The following CREB1 variants were observed in gnomAD, a reference collection of about 807,000 sequenced individuals.
The protein encoded by CREB1 is cyclic AMP-responsive element-binding protein 1.
A neutral mutation model predicts 42.0 loss-of-function variants in CREB1; 2 were observed. The observed-to-expected ratio is 0.05, with a 90% CI of 0.02 to 0.15. The LOEUF is 0.15. Ranked by LOEUF, CREB1 falls within the 10% of genes least tolerant of loss-of-function variation. The pLI, the probability that CREB1 is intolerant of heterozygous loss-of-function variation, is 1.00. For synonymous variants in CREB1, 123 were observed against 139.9 expected (o/e 0.88, Z 0.85); for missense variants, 199 against 388.9 (o/e 0.51, Z 4.11).
intron 7 of CREB1, 64 bp from the exon 8 acceptor site, chr2:207,596,848 AAG>A (rs2086274808): frequency 6.4e-7 from 1 of 1,562,004 alleles, no homozygotes; most frequent in Admixed American, 2.2e-5. Context: ...AGAAAAAAAA[AAG>A]GTAATCCAAA....
Position 207,579,720 on chromosome 2 carries a change from C to T in CREB1, c.839+2065C>T, listed in dbSNP as rs185728599. On this transcript the variant is annotated intron_variant, in intron 7 of 7. Coordinates refer to ENST00000353267, the MANE Select transcript of CREB1 (RefSeq NM_004379.5). ...TGATTCTGCCATAGTTCCTTTTCCC[C>T]TTTGTTACCAGATTACTGCTGCTTT... Among the ~76,000 whole-genome samples the T allele has an allele frequency of 3.5e-3, 535 of 152,320 alleles. 3 individuals are homozygous for T. Among genetic ancestry groups the T allele is most frequent in the Non-Finnish European group, 4.2e-3 (287 of 68,026 alleles).
intron 2 of CREB1, among the ~76,000 whole-genome samples, chr2:207,556,749 G>C (rs997783862): frequency 4.6e-5 from 7 of 152,182 alleles, no homozygotes; most frequent in African/African-American, 1.7e-4. Context: ...CAGGCTGCAG[G>C]ATTGAAGGGG....
chr2:207,541,058 A>G (rs1170909344), intron 1 of CREB1, among the ~76,000 whole-genome samples: 1 of 152,172 alleles, frequency 6.6e-6, no homozygotes, highest in East Asian at 1.9e-4. Flanking sequence ...TGTTCCTACT[A>G]AAAGTGCAAA....
chr2:207,553,831 C>G lies in CREB1; in HGVS notation c.-8-1797C>G, dbSNP rs1009632274. 2.0e-5 allele frequency among the ~76,000 whole-genome samples: 3 copies of G among 152,268 alleles called. No individual in the cohort carries two copies. The East Asian group carries it at 5.8e-4, about 29-fold the overall frequency. ...TGTACAGTTCTACAAAATTCTGTTT[C>G]TCTGTTCAGAGCTACTGCTTATAGT... On this transcript the variant is annotated intron_variant, in intron 1 of 7. Coordinates refer to ENST00000353267, the MANE Select transcript of CREB1 (RefSeq NM_004379.5).
Position 207,603,457 on chromosome 2 carries a change from A to C in CREB1, c.*6399A>C. 4.5e-6 allele frequency: 1 copy of C among 223,980 alleles called. No individual in the cohort carries two copies. The allele number at this position is 223,980 out of a possible 1,614,324, so 13.9% of individuals were successfully genotyped here. On this transcript the variant is annotated 3_prime_UTR_variant, in exon 8 of 8. Coordinates refer to ENST00000353267, the MANE Select transcript of CREB1 (RefSeq NM_004379.5). ...TGTAAGTCTCTTTTTTGGGGATGGG[A>C]TCTCTATATTTTGTTGGGTTTTTTT...
chr2:207,542,589 AATTTTC>A (rs1321150208), intron 1 of CREB1, among the ~76,000 whole-genome samples: 2 of 152,022 alleles, frequency 1.3e-5, no homozygotes, highest in African/African-American at 2.4e-5. Context: ...GATTTACAAA[AATTTTC>A]TCCTGTGGGT....
chr2:207,572,894 A>G (rs1474981751), intron 5 of CREB1, among the ~76,000 whole-genome samples: 1 of 151,626 alleles, frequency 6.6e-6, no homozygotes. Flanking sequence ...ATGAATTTCC[A>G]CTCCTTCCTT....
At chr2:207,571,258 C>G (rs1409033566) in intron 5 of CREB1, among the ~76,000 whole-genome samples, 5 of 151,788 alleles carry the variant, frequency 3.3e-5, no homozygotes, top group Non-Finnish European at 5.9e-5. Context: ...GCCTGTATTC[C>G]CAGCACTTTG....
At chr2:207,544,781 C>T (rs984146907) in intron 1 of CREB1, among the ~76,000 whole-genome samples, 2 of 152,064 alleles carry the variant, frequency 1.3e-5, no homozygotes, top group African/African-American at 2.4e-5. Flanking sequence ...TCCATGTGTT[C>T]TCATCATGTA....
chr2:207,565,160 C>G lies in CREB1; in HGVS notation c.262-2303C>G, dbSNP rs534180441. The stretch of plus-strand genomic sequence containing the variant: ...TTCCCCTGTTCTTAACATCCTCCCC[C>G]AGAACGGTACATTTATGTTATAATT... On this transcript the variant is annotated intron_variant, in intron 3 of 7. Coordinates refer to ENST00000353267, the MANE Select transcript of CREB1 (RefSeq NM_004379.5). Among the ~76,000 whole-genome samples, 7 of 152,146 alleles carry G rather than the reference C, an allele frequency of 4.6e-5. No individual in the cohort carries two copies. In the East Asian group the frequency reaches 1.2e-3, roughly 25 times the overall value.
intron 1 of CREB1, among the ~76,000 whole-genome samples, chr2:207,545,623 C>T (rs1485878393): frequency 2.0e-5 from 3 of 151,824 alleles, no homozygotes; most frequent in South Asian, 4.2e-4. Context: ...ACGTAGTAGG[C>T]GCAGAATATT....
At chr2:207,538,981 C>T (rs557715007) in intron 1 of CREB1, among the ~76,000 whole-genome samples, 2 of 151,470 alleles carry the variant, frequency 1.3e-5, no homozygotes, top group African/African-American at 4.8e-5. Flanking sequence ...GTAGGGGACA[C>T]AGAAATACCT....
intron 1 of CREB1, among the ~76,000 whole-genome samples, chr2:207,536,771 C>G (rs896420105): frequency 6.6e-6 from 1 of 151,810 alleles, no homozygotes; most frequent in African/African-American, 2.4e-5. Context: ...GGGCGGATCA[C>G]TTGAGGCCAG....
intron 3 of CREB1, among the ~76,000 whole-genome samples, chr2:207,562,826 T>A (rs1363411197): frequency 6.6e-6 from 1 of 152,198 alleles, no homozygotes; most frequent in Non-Finnish European, 1.5e-5. Context: ...CAAGGTACAG[T>A]TCTCTTGTTG....
At position 207,577,496 on chromosome 2, in the gene CREB1, T is replaced by G; in HGVS notation, c.689-9T>G. ...TTCTGTCTTACACCATGCTCACTGT[T>G]TTTTTCAGCTGCCTCTGGAGACGTA... On this transcript the variant is annotated splice_polypyrimidine_tract_variant and intron_variant, in intron 6 of 7. Coordinates refer to ENST00000353267, the MANE Select transcript of CREB1 (RefSeq NM_004379.5). 6.2e-7 allele frequency: 1 copy of G among 1,613,622 alleles called. No individual in the cohort carries two copies. The highest frequency in any genetic ancestry group is 8.5e-7 in the Non-Finnish European group (1 of 1,179,640).
At chr2:207,543,356 G>A (rs1046137714) in intron 1 of CREB1, among the ~76,000 whole-genome samples, 10 of 152,146 alleles carry the variant, frequency 6.6e-5, no homozygotes, top group Admixed American at 2.0e-4. Context: ...TAATGACTGC[G>A]ATGGTAGTTT....
chr2:207,561,854 T>G (rs1183338090), intron 3 of CREB1, among the ~76,000 whole-genome samples: 1 of 152,196 alleles, frequency 6.6e-6, no homozygotes, highest in Admixed American at 6.5e-5. Context: ...TTTATACTAT[T>G]GAGTCATCGA....
intron 7 of CREB1, chr2:207,578,109 CAAAAT>C (rs1316952198): frequency 3.2e-5 from 5 of 155,012 alleles, no homozygotes; most frequent in African/African-American, 9.6e-5. Flanking sequence ...TATCTTTACT[CAAAAT>C]AATAACATTT....
chr2:207,561,207 A>G, intron 3 of CREB1: 2 of 1,482,804 alleles, frequency 1.3e-6, no homozygotes, highest in Non-Finnish European at 1.9e-6. Flanking sequence ...TTAGAAAGGA[A>G]GGTGAGAAAT....
Sources: allele counts gnomAD v4.1 joint callset (sites outside exome capture counted in the v4.1 genomes callset), GRCh38; gene constraint gnomAD v4.1.1; transcripts MANE v1.5; gene names NCBI Gene and HGNC (gene_info 2026-07-23, HGNC 2026-07-21).